Variants in STXBP5L observed in about 807,000 individuals in gnomAD.
STXBP5L encodes syntaxin-binding protein 5-like.
STXBP5L carries 65 observed loss-of-function variants against 144.5 expected under a neutral mutation model. The ratio of observed to expected loss-of-function variants is 0.45; its 90% CI spans 0.37 to 0.55. The LOEUF is 0.55. Ranked by LOEUF, STXBP5L falls within the 20% of genes least tolerant of loss-of-function variation. The pLI, the probability that STXBP5L is intolerant of heterozygous loss-of-function variation, is 0.00. For missense variants in STXBP5L, 1,298 were observed against 1,405.5 expected, an observed-to-expected ratio of 0.92 and a Z score of 1.22; for synonymous variants, 505 against 469.6, an observed-to-expected ratio of 1.08 and a Z score of -0.97.
intron 3 of STXBP5L, among the ~76,000 whole-genome samples, chr3:120,960,667 A>C (rs1383316041): frequency 2.0e-5 from 3 of 151,486 alleles, no homozygotes; most frequent in African/African-American, 7.3e-5. Context: ...GGACAGAAAA[A>C]CCAAATACCG....
chr3:121,329,045 A>G (rs1005344369), intron 20 of STXBP5L, among the ~76,000 whole-genome samples: 1 of 152,028 alleles, frequency 6.6e-6, no homozygotes, highest in Non-Finnish European at 1.5e-5. Flanking sequence ...ATATGTGTGT[A>G]TGTATATATA....
chr3:121,096,983 G>A (rs910333482), intron 5 of STXBP5L, among the ~76,000 whole-genome samples: 1 of 152,186 alleles, frequency 6.6e-6, no homozygotes, highest in Non-Finnish European at 1.5e-5. Context: ...CAGGGACATG[G>A]GGGTTTTGTC....
chr3:120,916,686 A>G (rs1709118942), intron 2 of STXBP5L, among the ~76,000 whole-genome samples: 1 of 152,190 alleles, frequency 6.6e-6, no homozygotes, highest in South Asian at 2.1e-4. Flanking sequence ...TTTTATTATA[A>G]ATAAAACTGA....
intron 20 of STXBP5L, among the ~76,000 whole-genome samples, chr3:121,376,789 A>G (rs13069795): frequency 1.8e-3 from 275 of 152,268 alleles, no homozygotes; most frequent in Non-Finnish European, 3.4e-3. Flanking sequence ...CTTGATGGGA[A>G]TAGCATTGAA....
intron 3 of STXBP5L, among the ~76,000 whole-genome samples, chr3:121,005,245 T>C (rs933714849): frequency 1.3e-5 from 2 of 152,230 alleles, no homozygotes; most frequent in East Asian, 1.9e-4. Flanking sequence ...TTTTGGTCTA[T>C]TCAGATATTC....
At chr3:121,351,235 G>T (rs1023961814) in intron 20 of STXBP5L, among the ~76,000 whole-genome samples, 2 of 152,140 alleles carry the variant, frequency 1.3e-5, no homozygotes, top group South Asian at 4.1e-4. Context: ...TCCAGACCCT[G>T]TTTGCCTGGG....
At chr3:121,174,318 A>T (rs980966502) in intron 9 of STXBP5L, among the ~76,000 whole-genome samples, 48 of 152,110 alleles carry the variant, frequency 3.2e-4, no homozygotes, top group Non-Finnish European at 3.2e-4. Context: ...ATAGACTAGT[A>T]TCTATATATT....
intron 7 of STXBP5L, among the ~76,000 whole-genome samples, chr3:121,131,143 C>T (rs2044970980): frequency 6.6e-6 from 1 of 152,010 alleles, no homozygotes; most frequent in South Asian, 2.1e-4. Context: ...AACATCCAAC[C>T]TAATCAAGAA....
At chr3:121,161,688 A>G (rs1244792163) in intron 9 of STXBP5L, among the ~76,000 whole-genome samples, 2 of 152,040 alleles carry the variant, frequency 1.3e-5, no homozygotes, top group Non-Finnish European at 2.9e-5. Flanking sequence ...AATGATTTCA[A>G]ATATGTATTT....
chr3:121,033,224 T>C (rs1163596859), intron 3 of STXBP5L, among the ~76,000 whole-genome samples: 1 of 140,412 alleles, frequency 7.1e-6, no homozygotes, highest in Non-Finnish European at 1.5e-5. Context: ...ATATACACCA[T>C]GGAATACTAT....
chr3:121,100,265 A>G (rs2043348125), intron 5 of STXBP5L, among the ~76,000 whole-genome samples: 1 of 152,166 alleles, frequency 6.6e-6, no homozygotes, highest in Non-Finnish European at 1.5e-5. Flanking sequence ...ATATGTCTAC[A>G]TAATACTCCA....
intron 2 of STXBP5L, among the ~76,000 whole-genome samples, chr3:120,947,577 T>G (rs1710941996): frequency 6.6e-6 from 1 of 151,842 alleles, no homozygotes; most frequent in Non-Finnish European, 1.5e-5. Flanking sequence ...AACATTTCCA[T>G]CAGTCCAGAA....
intron 7 of STXBP5L, among the ~76,000 whole-genome samples, chr3:121,143,137 A>G (rs1035326461): frequency 6.6e-6 from 1 of 151,810 alleles, no homozygotes; most frequent in Non-Finnish European, 1.5e-5. Context: ...TTAGAAACAT[A>G]AAACCTGCCA....
intron 9 of STXBP5L, 41 bp from the exon 10 acceptor site, chr3:121,205,882 A>C: frequency 9.3e-7 from 1 of 1,072,546 alleles, no homozygotes; most frequent in Non-Finnish European, 1.3e-6. Context: ...ACAGATGAAT[A>C]TAATTTAAAT....
intron 9 of STXBP5L, among the ~76,000 whole-genome samples, chr3:121,195,064 C>T (rs553247792): frequency 5.3e-5 from 8 of 151,854 alleles, no homozygotes; most frequent in South Asian, 2.1e-4. Context: ...TACAGGCACA[C>T]GCCACCATGC....
chr3:121,089,710 T>C (rs1476015134), intron 5 of STXBP5L, among the ~76,000 whole-genome samples: 1 of 152,000 alleles, frequency 6.6e-6, no homozygotes, highest in Non-Finnish European at 1.5e-5. Flanking sequence ...CCTGATAATA[T>C]GATTGATAGA....
At chr3:121,023,218 T>A (rs1277453521) in intron 3 of STXBP5L, among the ~76,000 whole-genome samples, 2 of 151,828 alleles carry the variant, frequency 1.3e-5, no homozygotes, top group Non-Finnish European at 2.9e-5. Context: ...CAAGGAAAAC[T>A]ACAAAACACT....
At chr3:120,946,259 AC>A (rs67364533) in intron 2 of STXBP5L, among the ~76,000 whole-genome samples, 14,256 of 151,668 alleles carry the variant, frequency 0.094, 1,046 homozygotes, top group Admixed American at 0.2. Flanking sequence ...GCAACCTTGA[AC>A]TGATTCCATG....
intron 7 of STXBP5L, among the ~76,000 whole-genome samples, chr3:121,134,032 C>T (rs982517076): frequency 6.6e-6 from 1 of 152,280 alleles, no homozygotes; most frequent in East Asian, 1.9e-4. Flanking sequence ...ACCATATCAG[C>T]TCTCTTAGTC....
Sources: allele counts gnomAD v4.1 joint callset (sites outside exome capture counted in the v4.1 genomes callset), GRCh38; gene constraint gnomAD v4.1.1; transcripts MANE v1.5; gene names NCBI Gene and HGNC (gene_info 2026-07-23, HGNC 2026-07-21).